SLC44A5: variants seen among roughly 807,000 people sequenced by gnomAD.
The protein encoded by SLC44A5 is choline transporter-like protein 5.
In SLC44A5, 57 loss-of-function variants were observed where a neutral mutation model predicts 101.8. The observed-to-expected ratio is 0.56, with a 90% confidence interval of 0.45 to 0.70. The LOEUF (loss-of-function observed/expected upper bound fraction) is 0.70, where lower values mean the gene tolerates loss of function less well. Ranked by LOEUF, SLC44A5 falls within the 30% of genes least tolerant of loss-of-function variation. The pLI is 0.00. For missense variants in SLC44A5, 737 were observed against 853.1 expected, an observed-to-expected ratio of 0.86 and a Z score of 1.70; for synonymous variants, 281 against 290.9, an observed-to-expected ratio of 0.97 and a Z score of 0.35.
chr1:75,263,978 TG>T (rs1006555862), intron 6 of SLC44A5, among the ~76,000 whole-genome samples: 2 of 151,832 alleles, frequency 1.3e-5, no homozygotes, highest in Non-Finnish European at 2.9e-5. Context: ...TGGGGCCTGT[TG>T]GGGGGTTGCG....
intron 6 of SLC44A5, among the ~76,000 whole-genome samples, chr1:75,252,094 G>C (rs1649625354): frequency 6.6e-6 from 1 of 152,106 alleles, no homozygotes; most frequent in Non-Finnish European, 1.5e-5. Context: ...TCAACATTTT[G>C]ATTCCCAACT....
the SLC44A5 span, among the ~76,000 whole-genome samples, chr1:75,645,840 T>G: frequency 7.3e-6 from 1 of 136,336 alleles, no homozygotes; most frequent in African/African-American, 2.5e-5. Flanking sequence ...AGTTTCAGCT[T>G]TCTGCATATG....
intron 3 of SLC44A5, among the ~76,000 whole-genome samples, chr1:75,346,333 G>A (rs1229680754): frequency 6.6e-6 from 1 of 152,008 alleles, no homozygotes; most frequent in African/African-American, 2.4e-5. Context: ...TTTTTAAGTA[G>A]TTTGCATCAT....
chr1:75,353,956 T>C (rs1172871296), intron 3 of SLC44A5: 4 of 293,406 alleles, frequency 1.4e-5, no homozygotes, highest in Non-Finnish European at 1.3e-5. Context: ...TCTCAACACT[T>C]TCCAAGGATT....
chr1:75,666,245 T>TA, the SLC44A5 span, among the ~76,000 whole-genome samples: 3 of 151,732 alleles, frequency 2.0e-5, no homozygotes, highest in Non-Finnish European at 4.4e-5. Flanking sequence ...GTGGATTGCA[T>TA]AAAAAAAATG....
chr1:75,616,137 T>TGCG, the SLC44A5 span, among the ~76,000 whole-genome samples: 14 of 151,704 alleles, frequency 9.2e-5, no homozygotes, highest in African/African-American at 2.7e-4. Flanking sequence ...CGGTGGCTGC[T>TGCG]GCGGCGGCGG....
At chr1:75,519,295 C>T (rs1669993196) in intron 2 of SLC44A5, among the ~76,000 whole-genome samples, 1 of 152,048 alleles carries the variant, frequency 6.6e-6, no homozygotes. Context: ...TGGTGGCTCA[C>T]GCCTGTAATC....
chr1:75,318,417 AAGAAAGAAAGAAAG>A, intron 4 of SLC44A5, among the ~76,000 whole-genome samples: 2 of 148,288 alleles, frequency 1.3e-5, no homozygotes, highest in Non-Finnish European at 3.0e-5. Flanking sequence ...GAAAGAAAGA[AAGAAAGAAAGAAAG>A]AAATCTGCTG....
At chr1:75,614,936 A>T (rs1675801480), upstream of SLC44A5, among the ~76,000 whole-genome samples, 1 of 151,580 alleles carries the variant, frequency 6.6e-6, no homozygotes, top group South Asian at 2.1e-4. Context: ...ACAAGCTGCG[A>T]CCTCTGCGAG....
upstream of SLC44A5, among the ~76,000 whole-genome samples, chr1:75,612,687 C>T (rs942463275): frequency 2.6e-5 from 4 of 152,050 alleles, no homozygotes; most frequent in African/African-American, 9.7e-5. Flanking sequence ...GTGTTTTGCA[C>T]AGAATCTGGT....
chr1:75,213,598 C>T lies in SLC44A5; in HGVS notation c.1962+107G>A, dbSNP rs569667479. On this transcript the variant is annotated intron_variant, in intron 22 of 23. Transcript: ENST00000370859. Reference sequence around the variant, plus strand: ...AGTTGGCTGACACCTTGATCTTGGACTTCCCAGCCTTCAGAACTGTGAGGA... The same window carrying T: ...AGTTGGCTGACACCTTGATCTTGGATTTCCCAGCCTTCAGAACTGTGAGGA... The T allele has an allele frequency of 4.8e-6, 4 of 839,570 alleles. No individual in the cohort carries two copies. In the East Asian group the frequency reaches 1.0e-4, roughly 21 times the overall value. 52.0% of individuals were successfully genotyped at this position (839,570 alleles called of 1,614,324 possible). A position where few individuals can be genotyped will look rare whatever the true frequency, so the allele number is the denominator to read the frequency against.
intron 1 of SLC44A5, among the ~76,000 whole-genome samples, chr1:75,544,166 G>T (rs1478879418): frequency 6.6e-6 from 1 of 152,056 alleles, no homozygotes. Flanking sequence ...GTTATCAAGG[G>T]CGTCGGTTGC....
chr1:75,702,329 G>C, the SLC44A5 span, among the ~76,000 whole-genome samples: 1 of 152,154 alleles, frequency 6.6e-6, no homozygotes, highest in East Asian at 1.9e-4. Flanking sequence ...CAATGGAACA[G>C]AACAGAGCCC....
intron 4 of SLC44A5, among the ~76,000 whole-genome samples, chr1:75,324,663 T>G (rs1656434854): frequency 6.6e-6 from 1 of 152,148 alleles, no homozygotes. Context: ...AGGCTGCAAG[T>G]TTATTGTGGC....
intron 13 of SLC44A5, among the ~76,000 whole-genome samples, chr1:75,227,093 C>T (rs992356967): frequency 2.0e-5 from 3 of 151,986 alleles, no homozygotes; most frequent in South Asian, 2.1e-4. Flanking sequence ...CGGTGGCTCA[C>T]GCCAGCACGG....
At chr1:75,388,262 A>G (rs1009823923) in intron 3 of SLC44A5, among the ~76,000 whole-genome samples, 1 of 151,810 alleles carries the variant, frequency 6.6e-6, no homozygotes, top group Non-Finnish European at 1.5e-5. Flanking sequence ...TTAAAAAAAA[A>G]AAAAGAAAAT....
intron 2 of SLC44A5, among the ~76,000 whole-genome samples, chr1:75,517,028 T>C (rs1307264175): frequency 6.6e-6 from 1 of 152,184 alleles, no homozygotes; most frequent in Non-Finnish European, 1.5e-5. Flanking sequence ...GATGAATCTC[T>C]GGACTTAAGG....
intron 1 of SLC44A5, among the ~76,000 whole-genome samples, chr1:75,581,365 G>A (rs531917944): frequency 6.6e-6 from 1 of 152,244 alleles, no homozygotes; most frequent in South Asian, 2.1e-4. Context: ...AAGAAATGGT[G>A]GAGGTAACTA....
At position 75,384,795 on chromosome 1, in the gene SLC44A5, A is replaced by G. The variant is rs879612938; in HGVS notation, c.52+11788T>C. ...CACCACACCTATTCCAAAATTGACC[A>G]CATACTTGGAAGTAAAGCTCTCCTC... is the stretch of plus-strand genomic sequence containing the variant. On this transcript the variant is annotated intron_variant, in intron 3 of 23. Transcript: ENST00000370859. Among the ~76,000 whole-genome samples the G allele has an allele frequency of 2.0e-3, 292 of 147,324 alleles. 3 individuals are homozygous for G. Among genetic ancestry groups the G allele is most frequent in the Non-Finnish European group, 3.7e-3 (251 of 66,938 alleles).
Sources: gnomAD v4.1 joint callset for allele counts (sites outside exome capture counted in the v4.1 genomes callset) on GRCh38, gnomAD v4.1.1 for gene constraint, MANE v1.5 for transcripts, NCBI Gene and HGNC (gene_info 2026-07-23, HGNC 2026-07-21) for gene names.